Variants in ROBO2 observed in about 807,000 individuals in gnomAD.
The protein encoded by ROBO2 is roundabout homolog 2.
ROBO2 carries 53 observed loss-of-function variants against 160.8 expected under a neutral mutation model. That is an observed-to-expected ratio of 0.33 (90% confidence interval 0.26 to 0.41). The LOEUF (loss-of-function observed/expected upper bound fraction) is 0.41, where lower values mean the gene tolerates loss of function less well. ROBO2 is among the 10% of genes least tolerant of loss of function. The pLI, the probability that ROBO2 is intolerant of heterozygous loss-of-function variation, is 1.00. For missense variants in ROBO2, 1,577 were observed against 1,722.4 expected, an observed-to-expected ratio of 0.92 and a Z score of 1.49; for synonymous variants, 664 against 611.7, an observed-to-expected ratio of 1.09 and a Z score of -1.26.
At chr3:76,048,833 A>G (rs1319432131) in intron 2 of ROBO2, among the ~76,000 whole-genome samples, 1 of 152,118 alleles carries the variant, frequency 6.6e-6, no homozygotes, top group East Asian at 1.9e-4. Flanking sequence ...TTACAAATAG[A>G]ATACTCCACG....
At chr3:77,172,758 C>T (rs1222913578) in intron 2 of ROBO2, among the ~76,000 whole-genome samples, 1 of 152,168 alleles carries the variant, frequency 6.6e-6, no homozygotes. Context: ...TAATTAATTT[C>T]CTTCCTTAAA....
chr3:76,815,774 A>G (rs1176795920), intron 2 of ROBO2, among the ~76,000 whole-genome samples: 1 of 152,082 alleles, frequency 6.6e-6, no homozygotes, highest in Non-Finnish European at 1.5e-5. Flanking sequence ...CCCTCTGGTA[A>G]CAACTATAAT....
At chr3:77,360,623 CT>C (rs145454749) in intron 2 of ROBO2, among the ~76,000 whole-genome samples, 363 of 142,942 alleles carry the variant, frequency 2.5e-3, no homozygotes, top group Middle Eastern at 3.7e-3. Flanking sequence ...TTCCAGTTGA[CT>C]TTTTTTTTTT....
intron 2 of ROBO2, among the ~76,000 whole-genome samples, chr3:76,554,162 G>A (rs1489691315): frequency 2.0e-5 from 3 of 152,170 alleles, no homozygotes; most frequent in Non-Finnish European, 4.4e-5. Flanking sequence ...TGTATAACTT[G>A]TTTGAAAGAA....
At chr3:77,360,087 T>A (rs779956657) in intron 2 of ROBO2, among the ~76,000 whole-genome samples, 1 of 152,094 alleles carries the variant, frequency 6.6e-6, no homozygotes, top group Non-Finnish European at 1.5e-5. Flanking sequence ...AGGGATGAAA[T>A]CCCCTAAGTT....
intron 2 of ROBO2, among the ~76,000 whole-genome samples, chr3:76,203,160 A>G (rs1448721012): frequency 2.0e-5 from 3 of 152,170 alleles, no homozygotes; most frequent in Admixed American, 6.6e-5. Flanking sequence ...AATCCCCCCC[A>G]GATCCACACT....
chr3:76,628,702 G>A (rs2089833904), intron 2 of ROBO2, among the ~76,000 whole-genome samples: 1 of 152,088 alleles, frequency 6.6e-6, no homozygotes, highest in Non-Finnish European at 1.5e-5. Context: ...GTAGTCAAAA[G>A]TGATTCTTTT....
In ROBO2 at chr3:77,154,546, G is replaced by A. The variant is rs576480059; in HGVS notation, c.388+56206G>A. 5.9e-5 allele frequency among the ~76,000 whole-genome samples: 9 copies of A among 151,988 alleles called. No homozygotes were observed. In the South Asian group the frequency reaches 1.5e-3, roughly 25 times the overall value. On this transcript the variant is annotated intron_variant, in intron 2 of 25. Transcript: ENST00000461745. ...GTATATATCCAAAAGAAAACAAATC[G>A]TCCAACCAAAAGGCGCATGCACTGG...
At chr3:77,100,938 G>A (rs899384624) in intron 2 of ROBO2, among the ~76,000 whole-genome samples, 2 of 152,160 alleles carry the variant, frequency 1.3e-5, no homozygotes, top group Non-Finnish European at 2.9e-5. Context: ...GACCATCCAG[G>A]TAGAAAGAAT....
chr3:75,963,750 G>A (rs185655518), intron 2 of ROBO2, among the ~76,000 whole-genome samples: 1 of 151,728 alleles, frequency 6.6e-6, no homozygotes, highest in African/African-American at 2.4e-5. Flanking sequence ...CTCCTCTGAG[G>A]ACCACGATGG....
chr3:77,483,778 A>G (rs972824421), intron 4 of ROBO2, among the ~76,000 whole-genome samples: 1 of 148,148 alleles, frequency 6.8e-6, no homozygotes, highest in Non-Finnish European at 1.5e-5. Context: ...AAATATAATA[A>G]AAATATATAT....
At chr3:77,417,070 T>G (rs2077294763) in intron 2 of ROBO2, among the ~76,000 whole-genome samples, 1 of 152,160 alleles carries the variant, frequency 6.6e-6, no homozygotes, top group African/African-American at 2.4e-5. Flanking sequence ...TAATGAACGT[T>G]GAATCTATAA....
chr3:77,083,667 G>A (rs1342933665), intron 1 of ROBO2, among the ~76,000 whole-genome samples: 2 of 152,042 alleles, frequency 1.3e-5, no homozygotes, highest in African/African-American at 4.8e-5. Context: ...GGAGAAAGAA[G>A]GAAGAATCCA....
intron 2 of ROBO2, among the ~76,000 whole-genome samples, chr3:76,221,689 G>A: frequency 6.6e-6 from 1 of 152,298 alleles, no homozygotes; most frequent in Middle Eastern, 3.4e-3. Flanking sequence ...TATCAAGTTA[G>A]CTGCTTCTGG....
intron 2 of ROBO2, among the ~76,000 whole-genome samples, chr3:76,961,256 A>AAC (rs1350624022): frequency 4.6e-5 from 7 of 151,848 alleles, no homozygotes; most frequent in African/African-American, 1.7e-4. Flanking sequence ...AGAAAAAAAA[A>AAC]AAAAAAAAAA....
chr3:76,485,033 T>G (rs2079417667), intron 2 of ROBO2, among the ~76,000 whole-genome samples: 1 of 152,108 alleles, frequency 6.6e-6, no homozygotes. Flanking sequence ...CCCCAACCTT[T>G]TTGGTACCAA....
chr3:76,543,216 A>G (rs1351984705), intron 2 of ROBO2, among the ~76,000 whole-genome samples: 3 of 152,156 alleles, frequency 2.0e-5, no homozygotes, highest in Non-Finnish European at 4.4e-5. Flanking sequence ...ACTGTTATGG[A>G]CTGAATTGTG....
chr3:77,204,968 A>T (rs551957261), intron 2 of ROBO2, among the ~76,000 whole-genome samples: 155 of 152,292 alleles, frequency 1.0e-3, no homozygotes, highest in African/African-American at 3.6e-3. Context: ...CAGACCCCTG[A>T]CGGGAGGGGA....
chr3:77,197,387 A>C (rs1269239708), intron 2 of ROBO2, among the ~76,000 whole-genome samples: 1 of 152,226 alleles, frequency 6.6e-6, no homozygotes, highest in Non-Finnish European at 1.5e-5. Context: ...AACTGGGTCC[A>C]TGAGGCACAC....
Sources: allele counts gnomAD v4.1 joint callset (sites outside exome capture counted in the v4.1 genomes callset), GRCh38; gene constraint gnomAD v4.1.1; transcripts MANE v1.5; gene names NCBI Gene and HGNC (gene_info 2026-07-23, HGNC 2026-07-21).